The following MTMR3 variants were observed in gnomAD, a reference collection of about 807,000 sequenced individuals.
MTMR3 encodes the protein myotubularin related protein 3.
A neutral mutation model predicts 132.4 loss-of-function variants in MTMR3; 32 were observed. That is an observed-to-expected ratio of 0.24 (90% CI 0.18 to 0.32). MTMR3 has a LOEUF of 0.32. Among genes scored for constraint, MTMR3 ranks in the 10% least tolerant of loss-of-function variants. The probability of loss-of-function intolerance (pLI) is 1.00; values close to 1 mark genes in which losing one functional copy is unlikely to be tolerated. For synonymous variants in MTMR3, 556 were observed against 550.3 expected, an observed-to-expected ratio of 1.01 and a Z score of -0.14; for missense variants, 1,216 against 1,489.6, an observed-to-expected ratio of 0.82 and a Z score of 3.02.
intron 16 of MTMR3, 58 bp downstream of exon 16, chr22:30,018,130 G>A: frequency 1.3e-6 from 2 of 1,519,660 alleles, no homozygotes; most frequent in South Asian, 2.6e-5. Context: ...TCCTGTGTTG[G>A]GACGTGTGCA....
At chr22:29,981,818 CAAAA>C (rs34291296) in intron 5 of MTMR3, 5 of 106,846 alleles carry the variant, frequency 4.7e-5, no homozygotes, top group African/African-American at 2.0e-4. Context: ...GAGACTCTGT[CAAAA>C]AAAAAAAGGA....
chr22:29,953,168 A>G (rs995143520), intron 1 of MTMR3, among the ~76,000 whole-genome samples: 5 of 152,226 alleles, frequency 3.3e-5, no homozygotes, highest in African/African-American at 1.2e-4. Flanking sequence ...ATTATCGTTC[A>G]TTTGAAAGAC....
chr22:29,972,828 C>G (rs555244913), intron 3 of MTMR3, among the ~76,000 whole-genome samples: 33 of 152,332 alleles, frequency 2.2e-4, no homozygotes, highest in African/African-American at 7.9e-4. Flanking sequence ...GCCTCAGTCT[C>G]CCAAAGTGCT....
At chr22:29,970,947 T>TTCCCCC in intron 2 of MTMR3, 29 bp from the exon 3 acceptor site, 1 of 519,768 alleles carries the variant, frequency 1.9e-6, no homozygotes, top group Non-Finnish European at 3.1e-6. Context: ...TTTTTTTTTC[T>TTCCCCC]TCTTCCCCCT....
intron 1 of MTMR3, among the ~76,000 whole-genome samples, chr22:29,906,274 GTCTGTCTGTCTGTCTA>G (rs200121224): frequency 0.14 from 17,284 of 121,858 alleles, 1,095 homozygotes; most frequent in Non-Finnish European, 0.15. Flanking sequence ...CTGTCTGTCT[GTCTGTCTGTCTGTCTA>G]TCTATCTATC....
At chr22:29,933,988 G>T (rs1446805153) in intron 1 of MTMR3, among the ~76,000 whole-genome samples, 1 of 152,086 alleles carries the variant, frequency 6.6e-6, no homozygotes, top group Admixed American at 6.5e-5. Flanking sequence ...TGTTTTTAGG[G>T]TAGTTGATTT....
chr22:29,998,932 A>C, intron 8 of MTMR3, 75 bp downstream of exon 8: 1 of 903,582 alleles, frequency 1.1e-6, no homozygotes, highest in South Asian at 1.7e-5. Flanking sequence ...ATGTGGCAGA[A>C]CATTTGAACT....
intron 1 of MTMR3, among the ~76,000 whole-genome samples, chr22:29,935,873 C>T (rs1446672335): frequency 1.3e-5 from 2 of 152,038 alleles, no homozygotes; most frequent in African/African-American, 4.8e-5. Context: ...CTGCCTCAGC[C>T]TCCCGAGTAG....
At chr22:30,016,965 C>T (rs928341787) in intron 15 of MTMR3, 2 of 373,150 alleles carry the variant, frequency 5.4e-6, no homozygotes, top group South Asian at 4.4e-5. Flanking sequence ...TCTTTTTTGG[C>T]ACTGCCTCCA....
chr22:29,900,460 C>A (rs2064983303), intron 1 of MTMR3, among the ~76,000 whole-genome samples: 2 of 152,170 alleles, frequency 1.3e-5, no homozygotes, highest in South Asian at 4.2e-4. Flanking sequence ...CCTTACAGAG[C>A]AGAATTGTGG....
chr22:29,918,977 C>T (rs2065358561), intron 1 of MTMR3, among the ~76,000 whole-genome samples: 1 of 152,106 alleles, frequency 6.6e-6, no homozygotes, highest in South Asian at 2.1e-4. Context: ...AACTCATGGC[C>T]TCAAGTGATC....
chr22:29,999,810 G>C (rs1017004652), intron 8 of MTMR3: 1 of 152,150 alleles, frequency 6.6e-6, no homozygotes, highest in Non-Finnish European at 1.5e-5. Context: ...TCAGGAGTTC[G>C]AGACCAGCCC....
chr22:29,953,088 T>A (rs1444601308), intron 1 of MTMR3, among the ~76,000 whole-genome samples: 2 of 152,226 alleles, frequency 1.3e-5, no homozygotes, highest in Non-Finnish European at 2.9e-5. Flanking sequence ...AAAAAATCTA[T>A]TTTAACAGCG....
Position 29,890,374 on chromosome 22 carries a change from G to A in MTMR3, c.-138+7015G>A, listed in dbSNP as rs185381744. The stretch of plus-strand genomic sequence containing the variant: ...TCTACTAAAAATACAAAAATCAGTC[G>A]GGTGTGGTGGCGGGCCTCTGTAATT... On this transcript the variant is annotated intron_variant, in intron 1 of 19. Transcript: ENST00000401950. Among the ~76,000 whole-genome samples, 24 of 152,074 alleles carry A rather than the reference G, an allele frequency of 1.6e-4. No individual in the cohort carries two copies. The East Asian group carries it at 3.1e-3, about 20-fold the overall frequency.
intron 1 of MTMR3, among the ~76,000 whole-genome samples, chr22:29,922,737 C>G (rs1788361310): frequency 6.6e-6 from 1 of 152,050 alleles, no homozygotes; most frequent in Non-Finnish European, 1.5e-5. Flanking sequence ...TCTCTATTTT[C>G]TACAGTAGCT....
chr22:30,025,709 C>T lies in MTMR3; in HGVS notation c.3505C>T (p.Arg1169Ter). Residue 1169 changes from arginine (R) to a stop codon, truncating the protein, a stop_gained, in exon 20 of 20, where the codon CGA becomes TGA. Transcript: ENST00000401950. LOFTEE classifies it high-confidence loss of function. Reference protein sequence around the residue: ...VPSQQLFEPSRVCKSCYSSLH... With the variant: ...VPSQQLFEPS ...CAGCCAGCAGCTCTTTGAACCCAGT[C>T]GAGTATGCAAGTCTTGCTATAGCAG... 1.2e-6 allele frequency: 2 copies of T among 1,614,118 alleles called. No homozygotes were observed. The highest frequency in any genetic ancestry group is 1.7e-6 in the Non-Finnish European group (2 of 1,179,992).
intron 2 of MTMR3, among the ~76,000 whole-genome samples, chr22:29,964,915 C>T (rs1387460396): frequency 6.6e-6 from 1 of 152,176 alleles, no homozygotes; most frequent in East Asian, 1.9e-4. Flanking sequence ...TGCCACTCTT[C>T]TTTCTGATTC....
chr22:29,883,740 C>A (rs775410818), intron 1 of MTMR3, among the ~76,000 whole-genome samples: 1 of 152,166 alleles, frequency 6.6e-6, no homozygotes, highest in Non-Finnish European at 1.5e-5. Context: ...GGTGGGTGTG[C>A]GCCCTTCGCC....
chr22:29,913,198 T>G (rs1395470550), intron 1 of MTMR3, among the ~76,000 whole-genome samples: 2 of 152,114 alleles, frequency 1.3e-5, no homozygotes, highest in Admixed American at 1.3e-4. Flanking sequence ...CAGTGAGCCA[T>G]GATTGCACCA....
Sources: allele counts gnomAD v4.1 joint callset (sites outside exome capture counted in the v4.1 genomes callset), GRCh38; gene constraint gnomAD v4.1.1; transcripts MANE v1.5; gene names NCBI Gene and HGNC (gene_info 2026-07-23, HGNC 2026-07-21).